The following PCGF5 variants were observed in gnomAD, a reference collection of about 807,000 sequenced individuals.
PCGF5 encodes the protein polycomb group RING finger protein 5.
Under a neutral mutation model 44.3 loss-of-function variants are expected in PCGF5, and 9 were observed. The ratio of observed to expected loss-of-function variants is 0.20; its 90% CI spans 0.12 to 0.35. The LOEUF (loss-of-function observed/expected upper bound fraction) is 0.35. PCGF5 is among the 10% of genes least tolerant of loss of function. PCGF5 has a pLI of 1.00. For synonymous variants in PCGF5, 95 were observed against 102.5 expected (o/e 0.93, Z 0.44); for missense variants, 146 against 305.3 (o/e 0.48, Z 3.89).
At chr10:91,225,204 ATATATAT>A in intron 2 of PCGF5, among the ~76,000 whole-genome samples, 3 of 148,010 alleles carry the variant, frequency 2.0e-5, no homozygotes, top group Non-Finnish European at 4.5e-5. Flanking sequence ...ATATATTTTT[ATATATAT>A]CATATATTTG....
intron 6 of PCGF5, among the ~76,000 whole-genome samples, chr10:91,254,327 CT>C (rs1012944684): frequency 6.6e-6 from 1 of 151,804 alleles, no homozygotes; most frequent in Non-Finnish European, 1.5e-5. Flanking sequence ...ACAACCCTTC[CT>C]TTTTGGCGTG....
Position 91,283,356 on chromosome 10 carries a change from G to A in PCGF5, c.*5040G>A, listed in dbSNP as rs1418677679. 2 of 152,092 alleles carry A rather than the reference G, an allele frequency of 1.3e-5. No homozygotes were observed. Among genetic ancestry groups the A allele is most frequent in the Non-Finnish European group, 2.9e-5 (2 of 68,018 alleles). The allele number at this position is 152,092 out of a possible 1,614,324, so 9.4% of individuals were successfully genotyped here. ...CCCTTTTTCTATAATTCCAAACTGA[G>A]ACTGATTTTTCAGAGATTTTTAACT... On this transcript the variant is annotated 3_prime_UTR_variant, in exon 10 of 10. Transcript: ENST00000336126.
chr10:91,205,816 C>G (rs1484738650), intron 1 of PCGF5, among the ~76,000 whole-genome samples: 3 of 152,088 alleles, frequency 2.0e-5, no homozygotes, highest in Non-Finnish European at 4.4e-5. Context: ...ATGGCAAAAC[C>G]CTATCTCTGC....
intron 1 of PCGF5, among the ~76,000 whole-genome samples, chr10:91,191,260 A>G (rs186402116): frequency 1.3e-5 from 2 of 152,322 alleles, no homozygotes; most frequent in South Asian, 2.1e-4. Flanking sequence ...CCATTAAGTA[A>G]AATAAGGGTT....
At chr10:91,258,459 G>A (rs1458431513) in intron 6 of PCGF5, among the ~76,000 whole-genome samples, 1 of 152,104 alleles carries the variant, frequency 6.6e-6, no homozygotes, top group African/African-American at 2.4e-5. Context: ...TCCCAAATCT[G>A]AAATGAATGA....
At chr10:91,161,708 G>A (rs1012881550), upstream of PCGF5, among the ~76,000 whole-genome samples, 2 of 152,204 alleles carry the variant, frequency 1.3e-5, no homozygotes, top group African/African-American at 2.4e-5. Context: ...TGGAGGGCAT[G>A]CTCAGTTTTT....
At chr10:91,250,652 T>G (rs960976246) in intron 5 of PCGF5, among the ~76,000 whole-genome samples, 3 of 151,852 alleles carry the variant, frequency 2.0e-5, no homozygotes, top group African/African-American at 7.2e-5. Flanking sequence ...GAATGATAAA[T>G]ATAGCTGCAT....
intron 1 of PCGF5, among the ~76,000 whole-genome samples, chr10:91,190,629 C>T (rs1197959697): frequency 6.6e-6 from 1 of 152,172 alleles, no homozygotes; most frequent in African/African-American, 2.4e-5. Flanking sequence ...AACATTGATG[C>T]TCTCCCATTG....
At chr10:91,160,497 T>G (rs1843363632), upstream of PCGF5, among the ~76,000 whole-genome samples, 1 of 152,172 alleles carries the variant, frequency 6.6e-6, no homozygotes, top group African/African-American at 2.4e-5. Flanking sequence ...GTAAAATATC[T>G]ACTACACTGT....
At chr10:91,238,829 C>G (rs1190241396) in intron 2 of PCGF5, among the ~76,000 whole-genome samples, 1 of 151,876 alleles carries the variant, frequency 6.6e-6, no homozygotes, top group Admixed American at 6.6e-5. Flanking sequence ...GGGAAGAAGG[C>G]AAAGTATTCA....
chr10:91,195,824 A>G (rs1398035891), intron 1 of PCGF5, among the ~76,000 whole-genome samples: 1 of 151,660 alleles, frequency 6.6e-6, no homozygotes, highest in Non-Finnish European at 1.5e-5. Flanking sequence ...AGGGGCAATT[A>G]GTTTATTTTG....
At chr10:91,225,444 C>T (rs1206395241) in intron 2 of PCGF5, among the ~76,000 whole-genome samples, 3 of 151,604 alleles carry the variant, frequency 2.0e-5, no homozygotes, top group East Asian at 1.9e-4. Context: ...AGAGAATGAA[C>T]ATTGTAGAAA....
intron 7 of PCGF5, among the ~76,000 whole-genome samples, chr10:91,263,341 T>C (rs1409892602): frequency 6.6e-6 from 1 of 152,214 alleles, no homozygotes; most frequent in African/African-American, 2.4e-5. Context: ...TCCTTTATTC[T>C]TTCAAAAGTT....
intron 3 of PCGF5, among the ~76,000 whole-genome samples, chr10:91,244,512 T>C (rs1029541927): frequency 6.6e-6 from 1 of 152,174 alleles, no homozygotes; most frequent in Non-Finnish European, 1.5e-5. Flanking sequence ...TCTTTTACTC[T>C]GAATGAAATG....
intron 1 of PCGF5, among the ~76,000 whole-genome samples, chr10:91,201,228 T>C (rs999600814): frequency 1.4e-4 from 21 of 152,182 alleles, no homozygotes; most frequent in African/African-American, 4.8e-4. Context: ...AGGTATCTGG[T>C]GAGGGCCTTC....
intron 2 of PCGF5, among the ~76,000 whole-genome samples, chr10:91,224,225 A>C (rs1844757623): frequency 6.6e-6 from 1 of 152,158 alleles, no homozygotes; most frequent in African/African-American, 2.4e-5. Context: ...ATTTTGGAAG[A>C]GCTCCCCAAG....
intron 8 of PCGF5, among the ~76,000 whole-genome samples, chr10:91,268,888 A>T (rs896435490): frequency 6.6e-6 from 1 of 152,166 alleles, no homozygotes; most frequent in African/African-American, 2.4e-5. Context: ...ATCAAAACAA[A>T]CAGCTGGTCA....
intron 9 of PCGF5, among the ~76,000 whole-genome samples, chr10:91,274,453 T>C (rs1374534860): frequency 6.6e-6 from 1 of 152,088 alleles, no homozygotes; most frequent in Non-Finnish European, 1.5e-5. Context: ...GTAAAGAGGG[T>C]ATTTCAAATT....
chr10:91,215,028 A>C (rs1844517304), intron 1 of PCGF5, among the ~76,000 whole-genome samples: 1 of 152,214 alleles, frequency 6.6e-6, no homozygotes, highest in Non-Finnish European at 1.5e-5. Flanking sequence ...TTGTAAAGGA[A>C]ATGGTGATCT....
Sources: gnomAD v4.1 joint callset for allele counts (sites outside exome capture counted in the v4.1 genomes callset) on GRCh38, gnomAD v4.1.1 for gene constraint, MANE v1.5 for transcripts, NCBI Gene and HGNC (gene_info 2026-07-23, HGNC 2026-07-21) for gene names.